Variants in ADARB2 observed in about 807,000 individuals in gnomAD.
ADARB2 encodes the protein adenosine deaminase RNA specific B2 (inactive).
In ADARB2, 25 loss-of-function variants were observed where a neutral mutation model predicts 62.2. That is an observed-to-expected ratio of 0.40 (90% CI 0.29 to 0.56). The LOEUF (loss-of-function observed/expected upper bound fraction) is 0.56, where lower values mean the gene tolerates loss of function less well. Among genes scored for constraint, ADARB2 ranks in the 20% least tolerant of loss-of-function variants. The probability of loss-of-function intolerance (pLI) is 0.43; values close to 1 mark genes in which losing one functional copy is unlikely to be tolerated. For missense variants in ADARB2, 1,071 were observed against 1,077.4 expected, an observed-to-expected ratio of 0.99 and a Z score of 0.08; for synonymous variants, 572 against 500.8, an observed-to-expected ratio of 1.14 and a Z score of -1.90.
At chr10:1,508,493 G>C (rs191588873) in intron 1 of ADARB2, among the ~76,000 whole-genome samples, 1 of 152,280 alleles carries the variant, frequency 6.6e-6, no homozygotes, top group South Asian at 2.1e-4. Context: ...TAAAGAAGTC[G>C]TGTTAGCTGG....
At chr10:1,592,025 A>G (rs1251288033) in intron 1 of ADARB2, among the ~76,000 whole-genome samples, 2 of 152,308 alleles carry the variant, frequency 1.3e-5, no homozygotes, top group East Asian at 1.9e-4. Flanking sequence ...ACCCTGGTAC[A>G]TGGGCTTTTT....
At chr10:1,513,170 T>C (rs1831960850) in intron 1 of ADARB2, among the ~76,000 whole-genome samples, 1 of 152,236 alleles carries the variant, frequency 6.6e-6, no homozygotes, top group African/African-American at 2.4e-5. Context: ...TATCAAAACA[T>C]CGTGTTGTAC....
chr10:1,524,599 T>G (rs1832117344), intron 1 of ADARB2, among the ~76,000 whole-genome samples: 1 of 152,138 alleles, frequency 6.6e-6, no homozygotes, highest in South Asian at 2.1e-4. Flanking sequence ...TCTATTGCCT[T>G]TTTGTTTGGT....
chr10:1,604,314 T>G (rs780454109), intron 1 of ADARB2, among the ~76,000 whole-genome samples: 2 of 152,252 alleles, frequency 1.3e-5, no homozygotes, highest in Non-Finnish European at 2.9e-5. Flanking sequence ...TTATCTCATT[T>G]TAATCTTTAC....
At chr10:1,339,098 C>T (rs1212624460) in intron 3 of ADARB2, among the ~76,000 whole-genome samples, 1 of 152,192 alleles carries the variant, frequency 6.6e-6, no homozygotes, top group South Asian at 2.1e-4. Flanking sequence ...GTTTCTCCTC[C>T]CTGGACCCCA....
At chr10:1,452,350 A>G (rs1831050675) in intron 1 of ADARB2, among the ~76,000 whole-genome samples, 1 of 152,048 alleles carries the variant, frequency 6.6e-6, no homozygotes, top group African/African-American at 2.4e-5. Flanking sequence ...TAATAATAAT[A>G]ACAATAATAA....
At chr10:1,241,022 G>A (rs1242584338) in intron 5 of ADARB2, among the ~76,000 whole-genome samples, 1 of 152,196 alleles carries the variant, frequency 6.6e-6, no homozygotes, top group Non-Finnish European at 1.5e-5. Context: ...TGTAATCTCA[G>A]CACTTTGGGA....
chr10:1,619,936 T>A (rs1833687643), intron 1 of ADARB2, among the ~76,000 whole-genome samples: 1 of 152,056 alleles, frequency 6.6e-6, no homozygotes, highest in Non-Finnish European at 1.5e-5. Flanking sequence ...TTAAACAATA[T>A]ACTTCTAAAT....
Position 1,654,359 on chromosome 10 carries a change from C to T in ADARB2, c.100+82692G>A, listed in dbSNP as rs1834149662. Among the ~76,000 whole-genome samples the T allele has an allele frequency of 2.6e-5, 4 of 152,188 alleles. No individual in the cohort carries two copies. The South Asian group carries it at 6.2e-4, about 24-fold the overall frequency. ...AGGCTGCAGTGTGAGGGCCACATTT[C>T]CTGGGGGCCACCCCATGGCACTGGC... On this transcript the variant is annotated intron_variant, in intron 1 of 9. Coordinates refer to ENST00000381312, the MANE Select transcript of ADARB2 (RefSeq NM_018702.4).
At chr10:1,568,168 G>A (rs1272319301) in intron 1 of ADARB2, among the ~76,000 whole-genome samples, 2 of 152,226 alleles carry the variant, frequency 1.3e-5, no homozygotes, top group African/African-American at 4.8e-5. Context: ...GCCGCCACTG[G>A]GGAACCCTTG....
At chr10:1,467,162 T>C (rs373211919) in intron 1 of ADARB2, among the ~76,000 whole-genome samples, 1 of 152,226 alleles carries the variant, frequency 6.6e-6, no homozygotes, top group African/African-American at 2.4e-5. Flanking sequence ...CGATGCTTTC[T>C]ATGTGAGCAT....
chr10:1,207,154 C>T (rs1390802404), intron 7 of ADARB2, among the ~76,000 whole-genome samples: 2 of 152,100 alleles, frequency 1.3e-5, no homozygotes, highest in Non-Finnish European at 2.9e-5. Flanking sequence ...TGAGACCAGC[C>T]TGGCCAACGT....
intron 3 of ADARB2, among the ~76,000 whole-genome samples, chr10:1,281,536 A>C (rs1831371135): frequency 6.6e-6 from 1 of 152,240 alleles, no homozygotes; most frequent in African/African-American, 2.4e-5. Flanking sequence ...GAATCTGTCC[A>C]GCTCTCGTGC....
At chr10:1,417,933 C>T (rs1832818931) in intron 1 of ADARB2, among the ~76,000 whole-genome samples, 1 of 152,200 alleles carries the variant, frequency 6.6e-6, no homozygotes, top group African/African-American at 2.4e-5. Flanking sequence ...AAATGGCGGA[C>T]AGAGATCTGC....
chr10:1,289,047 AACAAAG>A (rs917319510), intron 3 of ADARB2, among the ~76,000 whole-genome samples: 24 of 152,138 alleles, frequency 1.6e-4, no homozygotes, highest in African/African-American at 5.3e-4. Flanking sequence ...CCTTAACATC[AACAAAG>A]ACCTGAGTCC....
intron 1 of ADARB2, among the ~76,000 whole-genome samples, chr10:1,525,845 TTG>T (rs1408384337): frequency 7.9e-5 from 12 of 151,922 alleles, no homozygotes; most frequent in Admixed American, 2.0e-4. Context: ...GTTCATGTGC[TTG>T]TGTGTGTGCG....
At chr10:1,517,010 C>T (rs1023387669) in intron 1 of ADARB2, among the ~76,000 whole-genome samples, 7 of 152,280 alleles carry the variant, frequency 4.6e-5, no homozygotes, top group East Asian at 1.9e-4. Context: ...GTTTTTCATC[C>T]GAGCACTTGC....
chr10:1,273,271 TTTTC>T (rs1303963108), intron 3 of ADARB2, among the ~76,000 whole-genome samples: 1 of 152,324 alleles, frequency 6.6e-6, no homozygotes, highest in East Asian at 1.9e-4. Context: ...ATTTTTTTAT[TTTTC>T]TTTGAGACAG....
chr10:1,473,251 T>C (rs1166382633), intron 1 of ADARB2, among the ~76,000 whole-genome samples: 2 of 152,260 alleles, frequency 1.3e-5, no homozygotes, highest in African/African-American at 4.8e-5. Context: ...CGGTCTCTTC[T>C]TCTGCCTTAT....
Sources: gnomAD v4.1 joint callset for allele counts (sites outside exome capture counted in the v4.1 genomes callset) on GRCh38, gnomAD v4.1.1 for gene constraint, MANE v1.5 for transcripts, NCBI Gene and HGNC (gene_info 2026-07-23, HGNC 2026-07-21) for gene names.